Variants in KCNH1 observed in about 807,000 individuals in gnomAD.
The protein encoded by KCNH1 is voltage-gated delayed rectifier potassium channel KCNH1.
In KCNH1, 27 loss-of-function variants were observed where a neutral mutation model predicts 69.2. The observed-to-expected ratio is 0.39, with a 90% CI of 0.29 to 0.54. The LOEUF (loss-of-function observed/expected upper bound fraction) is 0.54. Ranked by LOEUF, KCNH1 falls within the 20% of genes least tolerant of loss-of-function variation. KCNH1 has a pLI of 0.68. For missense variants in KCNH1, 798 were observed against 1,261.6 expected, an observed-to-expected ratio of 0.63 and a Z score of 5.57; for synonymous variants, 456 against 487.7, an observed-to-expected ratio of 0.93 and a Z score of 0.86.
intron 6 of KCNH1, among the ~76,000 whole-genome samples, chr1:210,971,538 C>T (rs536087771): frequency 6.6e-6 from 1 of 152,204 alleles, no homozygotes; most frequent in South Asian, 2.1e-4. Flanking sequence ...CTGCATTTTA[C>T]TATTATCGAT....
chr1:210,918,588 C>T (rs996095462), intron 7 of KCNH1, among the ~76,000 whole-genome samples: 1 of 152,184 alleles, frequency 6.6e-6, no homozygotes, highest in Non-Finnish European at 1.5e-5. Context: ...AGCTATACAA[C>T]AGTCAGTGGG....
At chr1:210,712,340 C>T (rs1339351855) in intron 10 of KCNH1, among the ~76,000 whole-genome samples, 1 of 152,150 alleles carries the variant, frequency 6.6e-6, no homozygotes, top group Non-Finnish European at 1.5e-5. Flanking sequence ...ATCAAATCAA[C>T]ACCTCCTTGG....
At chr1:210,785,124 T>G (rs1411423601) in intron 9 of KCNH1, among the ~76,000 whole-genome samples, 1 of 152,074 alleles carries the variant, frequency 6.6e-6, no homozygotes, top group Non-Finnish European at 1.5e-5. Flanking sequence ...AACAGTGAAG[T>G]ATAAAACAAC....
intron 10 of KCNH1, among the ~76,000 whole-genome samples, chr1:210,688,110 C>T (rs1038094058): frequency 4.6e-5 from 7 of 152,226 alleles, no homozygotes; most frequent in African/African-American, 1.7e-4. Flanking sequence ...CCTTAACATG[C>T]TAATGTGCCT....
intron 6 of KCNH1, among the ~76,000 whole-genome samples, chr1:211,011,020 T>C (rs1558566861): frequency 6.6e-6 from 1 of 152,044 alleles, no homozygotes; most frequent in Non-Finnish European, 1.5e-5. Flanking sequence ...GGGATACACA[T>C]GCAGAACATG....
intron 6 of KCNH1, among the ~76,000 whole-genome samples, chr1:210,996,377 C>A (rs563620442): frequency 6.6e-6 from 1 of 152,314 alleles, no homozygotes; most frequent in Non-Finnish European, 1.5e-5. Flanking sequence ...CATGGAGTCT[C>A]GCTCATTGCT....
At chr1:210,732,248 G>A (rs1195899107) in intron 10 of KCNH1, among the ~76,000 whole-genome samples, 2 of 151,704 alleles carry the variant, frequency 1.3e-5, no homozygotes, top group South Asian at 2.1e-4. Context: ...TCCTCTGGGG[G>A]TACACCACCA....
At chr1:211,005,930 G>T (rs7531557) in intron 6 of KCNH1, among the ~76,000 whole-genome samples, 2 of 152,062 alleles carry the variant, frequency 1.3e-5, no homozygotes, top group Admixed American at 1.3e-4. Flanking sequence ...AAAGGAGACC[G>T]CACAAGCACT....
At chr1:210,751,876 C>T (rs1268523000) in intron 10 of KCNH1, among the ~76,000 whole-genome samples, 1 of 152,028 alleles carries the variant, frequency 6.6e-6, no homozygotes, top group African/African-American at 2.4e-5. Flanking sequence ...ATAGGCGATA[C>T]CTGCTCTAAA....
intron 7 of KCNH1, among the ~76,000 whole-genome samples, chr1:210,871,557 T>C (rs948263307): frequency 4.1e-4 from 62 of 152,248 alleles, no homozygotes; most frequent in African/African-American, 1.4e-3. Context: ...ACTGGGTATA[T>C]ACACAAAGGA....
intron 5 of KCNH1, among the ~76,000 whole-genome samples, chr1:211,043,674 A>C (rs1388429750): frequency 1.3e-5 from 2 of 152,176 alleles, no homozygotes. Context: ...TGATGAACAT[A>C]TATGCAAAAC....
intron 9 of KCNH1, among the ~76,000 whole-genome samples, chr1:210,796,501 A>G (rs1684318146): frequency 6.6e-6 from 1 of 152,102 alleles, no homozygotes; most frequent in Non-Finnish European, 1.5e-5. Flanking sequence ...AGAAAACTAG[A>G]CACATTTCCT....
intron 7 of KCNH1, among the ~76,000 whole-genome samples, chr1:210,806,822 A>ATATATATATATATATATATATATATAT (rs1553346543): frequency 9.5e-5 from 4 of 42,102 alleles, no homozygotes; most frequent in South Asian, 1.4e-3. Flanking sequence ...AAAAAAAAAA[A>ATATATATATATATATATATATATATAT]AAAAAAAAAA....
At chr1:210,764,036 G>C (rs542432576) in intron 10 of KCNH1, among the ~76,000 whole-genome samples, 44 of 151,926 alleles carry the variant, frequency 2.9e-4, no homozygotes, top group Non-Finnish European at 5.4e-4. Flanking sequence ...TACACCAATG[G>C]AACAGAATAG....
intron 10 of KCNH1, among the ~76,000 whole-genome samples, chr1:210,726,766 C>G (rs749861497): frequency 6.6e-6 from 1 of 152,134 alleles, no homozygotes. Context: ...CAGGGTGAGT[C>G]AAAAACATGC....
chr1:210,713,486 G>C (rs140525259), intron 10 of KCNH1, among the ~76,000 whole-genome samples: 461 of 152,280 alleles, frequency 3.0e-3, no homozygotes, highest in African/African-American at 0.011. Flanking sequence ...CAGGACTGTG[G>C]TAGGCTCTGG....
intron 6 of KCNH1, among the ~76,000 whole-genome samples, chr1:210,966,877 A>T (rs1165371108): frequency 1.3e-5 from 2 of 152,226 alleles, no homozygotes; most frequent in African/African-American, 4.8e-5. Flanking sequence ...TACATACCCA[A>T]AGGATTATAA....
chr1:211,028,072 G>A (rs948508817), intron 5 of KCNH1, among the ~76,000 whole-genome samples: 1 of 152,102 alleles, frequency 6.6e-6, no homozygotes, highest in African/African-American at 2.4e-5. Context: ...ACTCAGGATA[G>A]ATCATATGCT....
intron 5 of KCNH1, among the ~76,000 whole-genome samples, chr1:211,041,146 C>T (rs975897065): frequency 2.0e-5 from 3 of 152,168 alleles, no homozygotes; most frequent in African/African-American, 4.8e-5. Context: ...TCCACTTTCT[C>T]ACCTCAAATC....
Sources: allele counts gnomAD v4.1 joint callset (sites outside exome capture counted in the v4.1 genomes callset), GRCh38; gene constraint gnomAD v4.1.1; transcripts MANE v1.5; gene names NCBI Gene and HGNC (gene_info 2026-07-23, HGNC 2026-07-21).